Variants in ABCB10 observed in about 807,000 individuals in gnomAD.
ABCB10 encodes ATP binding cassette subfamily B member 10, also known as ATP-binding cassette sub-family B member 10, mitochondrial.
In ABCB10, 54 loss-of-function variants were observed where a neutral mutation model predicts 65.4. The observed-to-expected ratio is 0.83, with a 90% CI of 0.66 to 1.04. ABCB10 has a LOEUF of 1.04. ABCB10 is among the 50% of genes least tolerant of loss of function. The pLI, the probability that ABCB10 is intolerant of heterozygous loss-of-function variation, is 0.00. For synonymous variants in ABCB10, 418 were observed against 406.5 expected (o/e 1.03, Z -0.34); for missense variants, 846 against 976.6 (o/e 0.87, Z 1.78).
chr1:229,538,746 C>CT (rs1405287461), intron 6 of ABCB10, among the ~76,000 whole-genome samples: 1 of 152,170 alleles, frequency 6.6e-6, no homozygotes, highest in Non-Finnish European at 1.5e-5. Flanking sequence ...GAAAATAAAA[C>CT]TCTCTGGTTG....
At chr1:229,540,909 T>C (rs1036091918) in intron 4 of ABCB10, among the ~76,000 whole-genome samples, 157 bp from the exon 5 acceptor site, 1 of 152,040 alleles carries the variant, frequency 6.6e-6, no homozygotes, top group Admixed American at 6.6e-5. Flanking sequence ...AAAGACACTA[T>C]CAATGGAAAG....
chr1:229,542,160 C>T (rs1207681146), intron 4 of ABCB10, 77 bp downstream of exon 4: 5 of 1,527,430 alleles, frequency 3.3e-6, no homozygotes, highest in Admixed American at 2.2e-5. Flanking sequence ...TAAGTACATC[C>T]CTTAGGATCT....
At chr1:229,523,390 G>C (rs1662360682) in intron 10 of ABCB10, among the ~76,000 whole-genome samples, 1 of 152,068 alleles carries the variant, frequency 6.6e-6, no homozygotes, top group African/African-American at 2.4e-5. Flanking sequence ...GATTTTATTG[G>C]CTGAACATAC....
At chr1:229,523,282 T>C (rs1480839889) in intron 10 of ABCB10, among the ~76,000 whole-genome samples, 2 of 152,214 alleles carry the variant, frequency 1.3e-5, no homozygotes, top group Non-Finnish European at 2.9e-5. Context: ...ACGCTACTCC[T>C]AAGTCATACT....
In ABCB10 at chr1:229,548,641, C is replaced by T. The variant is rs1159563178; in HGVS notation, c.718+593G>A. On this transcript the variant is annotated intron_variant, in intron 2 of 12. Transcript: ENST00000344517. ...AGCCTCAGAAGTCCAGCTTCATGGC[C>T]AGGGGCCTCATTTTCTTTTTTTTTC... 5.9e-5 allele frequency among the ~76,000 whole-genome samples: 9 copies of T among 151,630 alleles called. No individual in the cohort carries two copies. In the East Asian group the frequency reaches 1.7e-3, roughly 29 times the overall value.
chr1:229,530,285 C>T lies in ABCB10; in HGVS notation c.1559G>A (p.Gly520Glu), dbSNP rs1443987372. ...TGGGCCAACCAGTGCCGTGACAGAT[C>T]CTGACGGAATGGAAAGGCTGAAATC... is the stretch of plus-strand genomic sequence containing the variant. The part of the protein sequence containing the change: ...FQDFSLSIPS[G>E]SVTALVGPSG... The change falls in exon 8 of 13, where the codon GGA (glycine) becomes GAA (glutamate). Residue 520 changes from glycine (G) to glutamate (E), a missense_variant. By Grantham distance (98) the Gly-to-Glu change is moderately conservative. Coordinates refer to ENST00000344517, the MANE Select transcript of ABCB10 (RefSeq NM_012089.3). 7 of 1,614,014 alleles carry T rather than the reference C, an allele frequency of 4.3e-6. No homozygotes were observed. Among genetic ancestry groups the T allele is most frequent in the Non-Finnish European group, 5.1e-6 (6 of 1,180,046 alleles).
intron 3 of ABCB10, 73 bp from the exon 4 acceptor site, chr1:229,542,444 G>A (rs887684488): frequency 2.6e-6 from 4 of 1,541,216 alleles, no homozygotes; most frequent in Non-Finnish European, 3.5e-6. Context: ...ACCTACGAAA[G>A]GGGAGTGTGT....
intron 3 of ABCB10, among the ~76,000 whole-genome samples, chr1:229,546,913 C>T (rs1662981524): frequency 6.6e-6 from 1 of 152,044 alleles, no homozygotes; most frequent in South Asian, 2.1e-4. Context: ...AAAAATTAAT[C>T]TCATTGGCTT....
chr1:229,527,566 C>T (rs1662475576), intron 8 of ABCB10, among the ~76,000 whole-genome samples: 2 of 152,194 alleles, frequency 1.3e-5, no homozygotes, highest in Non-Finnish European at 1.5e-5. Context: ...GCTTGCCTTC[C>T]TGTACTCCGG....
At chr1:229,556,008 C>A (rs1319833826) in intron 1 of ABCB10, among the ~76,000 whole-genome samples, 6 of 148,500 alleles carry the variant, frequency 4.0e-5, no homozygotes, top group Non-Finnish European at 5.9e-5. Context: ...AGTGTGCCAA[C>A]CCTAGGCTTG....
At position 229,547,516 on chromosome 1, in the gene ABCB10, C is replaced by T. The variant is rs373845536; in HGVS notation, c.904G>A (p.Val302Ile). 21 of 1,612,720 alleles carry T rather than the reference C, an allele frequency of 1.3e-5. No homozygotes were observed. In the African/African-American group the frequency reaches 1.5e-4, roughly 11 times the overall value. The change falls in exon 3 of 13, where the codon GTA becomes ATA. Residue 302 changes from valine to isoleucine, a missense_variant. Physicochemically the swap from Val to Ile is conservative, Grantham distance 29. Transcript: ENST00000344517. The stretch of plus-strand genomic sequence containing the variant: ...CCACATACCATCATACTGATGCCTA[C>T]GGAAGCCTGGGCCCCGGCCCTGAGC... ...DGLRAGAQAS[V>I]GISMMFFVSP...
In ABCB10 at chr1:229,547,807, T is replaced by G; in HGVS notation, c.719-106A>C. On this transcript the variant is annotated intron_variant, in intron 2 of 12. Transcript: ENST00000344517. ...GCTTGGCCTGGAGTTGTAACCCTCC[T>G]GAGCAATGCAGCCTCTGAGCGTGTC... 2.9e-6 allele frequency: 3 copies of G among 1,037,256 alleles called. No individual in the cohort carries two copies. In the South Asian group the frequency reaches 4.3e-5, roughly 15 times the overall value. The allele number at this position is 1,037,256 out of a possible 1,614,324, so 64.3% of individuals were successfully genotyped here. A position where few individuals can be genotyped will look rare whatever the true frequency, so the allele number is the denominator to read the frequency against.
chr1:229,521,813 A>C (rs1415469306), intron 10 of ABCB10, among the ~76,000 whole-genome samples, 178 bp from the exon 11 acceptor site: 1 of 152,236 alleles, frequency 6.6e-6, no homozygotes, highest in Non-Finnish European at 1.5e-5. Context: ...CCCAAAATTA[A>C]TAATTATTAT....
intron 1 of ABCB10, among the ~76,000 whole-genome samples, chr1:229,554,076 C>A (rs772513096): frequency 1.3e-5 from 2 of 152,178 alleles, no homozygotes; most frequent in African/African-American, 2.4e-5. Context: ...AGATGCTTTG[C>A]GGAGAAAGGT....
chr1:229,548,662 T>C (rs901532167), intron 2 of ABCB10, among the ~76,000 whole-genome samples: 7 of 150,194 alleles, frequency 4.7e-5, no homozygotes, highest in African/African-American at 1.5e-4. Flanking sequence ...TTTTCTTTTT[T>C]TTTCTTTTTT....
intron 3 of ABCB10, among the ~76,000 whole-genome samples, chr1:229,542,850 G>A (rs894845306): frequency 3.9e-5 from 6 of 152,052 alleles, no homozygotes; most frequent in Admixed American, 1.3e-4. Flanking sequence ...CCATTATCGG[G>A]TGGGGTGTGG....
chr1:229,549,826 G>A (rs1663063830), intron 1 of ABCB10: 1 of 201,000 alleles, frequency 5.0e-6, no homozygotes, highest in African/African-American at 2.3e-5. Flanking sequence ...ATACTCCTTG[G>A]CATCTAACTA....
Position 229,558,574 on chromosome 1 carries a change from C to A in ABCB10, c.79G>T (p.Ala27Ser), listed in dbSNP as rs1192338495. 3.5e-6 allele frequency: 5 copies of A among 1,445,892 alleles called. No individual in the cohort carries two copies. In the African/African-American group the frequency reaches 4.4e-5, roughly 13 times the overall value. 89.6% of individuals were successfully genotyped at this position (1,445,892 alleles called of 1,614,324 possible). A position where few individuals can be genotyped will look rare whatever the true frequency, so the allele number is the denominator to read the frequency against. Reference sequence around the variant, plus strand: ...CGGCTGGCCGCGGCCCACACGCAGGCTACCGGCAGGAGCCGACCTGGCTCG... The same window carrying A: ...CGGCTGGCCGCGGCCCACACGCAGGATACCGGCAGGAGCCGACCTGGCTCG... ...PAEPGRLLPV[A>S]CVWAAASRVP... The change falls in exon 1 of 13, where the codon GCC (alanine) becomes TCC (serine). Residue 27 changes from alanine to serine, a missense_variant. This residue lies in a region of ABCB10 where 214 missense variants were observed against 173.5 expected (regional missense o/e 1.23). Transcript: ENST00000344517.
chr1:229,546,126 C>T (rs1441162721), intron 3 of ABCB10, among the ~76,000 whole-genome samples: 3 of 148,346 alleles, frequency 2.0e-5, no homozygotes, highest in African/African-American at 5.0e-5. Flanking sequence ...GAGCCAAGAT[C>T]GTGCCATTGC....
Sources: allele counts gnomAD v4.1 joint callset (sites outside exome capture counted in the v4.1 genomes callset), GRCh38; gene constraint gnomAD v4.1.1; regional missense constraint gnomAD v4.1.1; transcripts MANE v1.5; gene names NCBI Gene and HGNC (gene_info 2026-07-23, HGNC 2026-07-21).